The following SDCCAG8 variants were observed in gnomAD, a reference collection of about 807,000 sequenced individuals.
SDCCAG8 encodes SHH signaling and ciliogenesis regulator SDCCAG8.
A neutral mutation model predicts 101.8 loss-of-function variants in SDCCAG8; 74 were observed. That is an observed-to-expected ratio of 0.73 (90% CI 0.60 to 0.88). SDCCAG8 has a LOEUF of 0.88. Among genes scored for constraint, SDCCAG8 ranks in the 40% least tolerant of loss-of-function variants. The pLI is 0.00. For synonymous variants in SDCCAG8, 281 were observed against 292.9 expected, an observed-to-expected ratio of 0.96 and a Z score of 0.41; for missense variants, 787 against 822.6, an observed-to-expected ratio of 0.96 and a Z score of 0.53.
chr1:243,291,460 C>T (rs981168843), intron 5 of SDCCAG8, among the ~76,000 whole-genome samples: 1 of 152,170 alleles, frequency 6.6e-6, no homozygotes, highest in Non-Finnish European at 1.5e-5. Flanking sequence ...TGAGTAGTGG[C>T]TGCTTCCTTT....
chr1:243,453,511 A>G (rs2083517804), intron 16 of SDCCAG8, among the ~76,000 whole-genome samples: 2 of 152,150 alleles, frequency 1.3e-5, no homozygotes, highest in South Asian at 4.2e-4. Context: ...AATGTAACAT[A>G]TTGGCCCACT....
At chr1:243,274,517 AT>A (rs927533506) in intron 3 of SDCCAG8, 25 bp from the exon 4 acceptor site, 1 of 1,239,386 alleles carries the variant, frequency 8.1e-7, no homozygotes, top group African/African-American at 1.5e-5. Context: ...GTATTTATGT[AT>A]TTATTTATTT....
chr1:243,314,619 A>G (rs1013508820), intron 8 of SDCCAG8, among the ~76,000 whole-genome samples: 4 of 152,220 alleles, frequency 2.6e-5, no homozygotes, highest in African/African-American at 9.7e-5. Flanking sequence ...GATAAAGTCT[A>G]TTAAACGTAA....
At chr1:243,493,832 CAG>C (rs1667170491) in intron 17 of SDCCAG8, among the ~76,000 whole-genome samples, 3 of 151,774 alleles carry the variant, frequency 2.0e-5, no homozygotes, top group African/African-American at 7.3e-5. Context: ...GCAGGGGACA[CAG>C]AGACACAGAA....
intron 12 of SDCCAG8, among the ~76,000 whole-genome samples, chr1:243,360,576 C>G (rs2076647806): frequency 6.6e-6 from 1 of 151,828 alleles, no homozygotes; most frequent in African/African-American, 2.4e-5. Context: ...GTAATCCCAG[C>G]ACTTTGGGAG....
chr1:243,279,162 G>C (rs939490187), intron 4 of SDCCAG8, among the ~76,000 whole-genome samples: 8 of 152,110 alleles, frequency 5.3e-5, no homozygotes, highest in African/African-American at 1.7e-4. Context: ...GGTTGTGAGA[G>C]GGGCCATCTT....
chr1:243,426,316 T>C (rs1267430562), intron 15 of SDCCAG8, 111 bp from the exon 16 acceptor site: 3 of 930,128 alleles, frequency 3.2e-6, no homozygotes, highest in Non-Finnish European at 5.1e-6. Flanking sequence ...GTTTTCATTA[T>C]GCTATCATGT....
intron 3 of SDCCAG8, among the ~76,000 whole-genome samples, chr1:243,272,475 A>G (rs2068173402): frequency 6.6e-6 from 1 of 152,214 alleles, no homozygotes; most frequent in African/African-American, 2.4e-5. Flanking sequence ...TGAATTTATT[A>G]CTATTGACAT....
intron 13 of SDCCAG8, among the ~76,000 whole-genome samples, chr1:243,390,425 C>G (rs1373668736): frequency 1.3e-5 from 2 of 152,220 alleles, no homozygotes; most frequent in South Asian, 2.1e-4. Flanking sequence ...TCATTTTGCT[C>G]TGGTGGACAC....
chr1:243,354,999 G>A (rs1278177710), intron 12 of SDCCAG8, among the ~76,000 whole-genome samples: 2 of 152,174 alleles, frequency 1.3e-5, no homozygotes, highest in Non-Finnish European at 2.9e-5. Context: ...CACACAGTGT[G>A]AGACAGATCA....
At chr1:243,434,342 ATGTT>A (rs927202767) in intron 16 of SDCCAG8, among the ~76,000 whole-genome samples, 1 of 152,240 alleles carries the variant, frequency 6.6e-6, no homozygotes, top group African/African-American at 2.4e-5. Flanking sequence ...CTCCTTGCAA[ATGTT>A]TGTTTTTAAG....
chr1:243,458,031 G>A lies in SDCCAG8; in HGVS notation c.1986-30983G>A, dbSNP rs1485858460. ...GTGTGCTGGTATGGATAGAGGTCCT[G>A]CAGAAACCTTCAGGACCCATCCCAA... On this transcript the variant is annotated intron_variant, in intron 16 of 17. Coordinates refer to ENST00000366541, the MANE Select transcript of SDCCAG8 (RefSeq NM_006642.5). This position sits in a 1 kb window ranked among gnomAD's most constrained non-coding sequence, Gnocchi z 4.5. Among the ~76,000 whole-genome samples the A allele has an allele frequency of 6.6e-6, 1 of 152,228 alleles. No homozygotes were observed. Among genetic ancestry groups the A allele is most frequent in the African/African-American group, 2.4e-5 (1 of 41,452 alleles).
Position 243,389,159 on chromosome 1 carries a change from CA to C in SDCCAG8, c.1616+10306del, listed in dbSNP as rs569825410. ...GAGACTCTGTCCCCCCTCCCCCCCC[CA>C]AAAAAAAAATAATAAATAAAAATGC... is the stretch of plus-strand genomic sequence containing the variant. On this transcript the variant is annotated intron_variant, in intron 13 of 17. Transcript: ENST00000366541. 2.6e-3 allele frequency among the ~76,000 whole-genome samples: 365 copies of C among 142,638 alleles called. 2 individuals are homozygous for C. Among genetic ancestry groups the C allele is most frequent in the African/African-American group, 6.6e-3 (249 of 37,812 alleles). 93.6% of individuals were successfully genotyped at this position (142,638 alleles called of 152,430 possible). A position where few individuals can be genotyped will look rare whatever the true frequency, so the allele number is the denominator to read the frequency against.
intron 17 of SDCCAG8, among the ~76,000 whole-genome samples, chr1:243,496,007 AAAAG>A (rs1371616345): frequency 1.3e-5 from 2 of 152,336 alleles, no homozygotes; most frequent in South Asian, 2.1e-4. Flanking sequence ...CTGGCAGAGA[AAAAG>A]AAAGAACCAG....
intron 12 of SDCCAG8, among the ~76,000 whole-genome samples, chr1:243,377,355 T>C (rs2077656683): frequency 6.6e-6 from 1 of 152,008 alleles, no homozygotes; most frequent in African/African-American, 2.4e-5. Context: ...TAATTATATT[T>C]AATTATGAAA....
chr1:243,447,865 A>T (rs896017618), intron 16 of SDCCAG8, among the ~76,000 whole-genome samples: 1 of 152,222 alleles, frequency 6.6e-6, no homozygotes, highest in Non-Finnish European at 1.5e-5. Context: ...AAGAGCTACA[A>T]ACTTCCCTGT....
At chr1:243,318,079 T>C (rs1236279406) in intron 9 of SDCCAG8, 3 of 456,594 alleles carry the variant, frequency 6.6e-6, no homozygotes, top group Non-Finnish European at 1.3e-5. Context: ...ATTGATGGAA[T>C]CAACCGAAAT....
At chr1:243,477,697 G>A (rs1479834852) in intron 16 of SDCCAG8, among the ~76,000 whole-genome samples, 1 of 152,246 alleles carries the variant, frequency 6.6e-6, no homozygotes, top group Non-Finnish European at 1.5e-5. Flanking sequence ...GTCAGAGGCA[G>A]CTGTGCTGGA....
chr1:243,371,943 A>G (rs994728334), intron 12 of SDCCAG8, among the ~76,000 whole-genome samples: 1 of 152,134 alleles, frequency 6.6e-6, no homozygotes, highest in African/African-American at 2.4e-5. Flanking sequence ...TTAAATTTAA[A>G]TAGCCAAAGC....
Sources: allele counts gnomAD v4.1 joint callset (sites outside exome capture counted in the v4.1 genomes callset), GRCh38; gene constraint gnomAD v4.1.1; non-coding constraint Gnocchi (gnomAD v3.1); transcripts MANE v1.5; gene names NCBI Gene and HGNC (gene_info 2026-07-23, HGNC 2026-07-21).